MACROD2: variants seen among roughly 807,000 people sequenced by gnomAD.
MACROD2 encodes the protein ADP-ribose glycohydrolase MACROD2.
A neutral mutation model predicts 70.4 loss-of-function variants in MACROD2; 36 were observed. The observed-to-expected ratio is 0.51, with a 90% CI of 0.39 to 0.68. MACROD2 has a LOEUF of 0.68. Ranked by LOEUF, MACROD2 falls within the 30% of genes least tolerant of loss-of-function variation. The pLI, the probability that MACROD2 is intolerant of heterozygous loss-of-function variation, is 0.00. For synonymous variants in MACROD2, 172 were observed against 178.8 expected, an observed-to-expected ratio of 0.96 and a Z score of 0.30; for missense variants, 496 against 538.4, an observed-to-expected ratio of 0.92 and a Z score of 0.78.
At chr20:14,154,961 A>G (rs1257992527) in intron 3 of MACROD2, among the ~76,000 whole-genome samples, 1 of 152,184 alleles carries the variant, frequency 6.6e-6, no homozygotes, top group Non-Finnish European at 1.5e-5. Context: ...ATGAGAACTA[A>G]GTGCTTTTTT....
intron 7 of MACROD2, among the ~76,000 whole-genome samples, chr20:15,495,354 A>G (rs978723304): frequency 2.0e-5 from 3 of 152,186 alleles, no homozygotes; most frequent in East Asian, 1.9e-4. Context: ...GAAAGCAGGC[A>G]TATTATCAGG....
intron 8 of MACROD2, among the ~76,000 whole-genome samples, chr20:15,558,078 C>T (rs1271521113): frequency 1.3e-5 from 2 of 152,192 alleles, no homozygotes; most frequent in Admixed American, 6.5e-5. Flanking sequence ...AAAAAGATGA[C>T]AAGAGTCAGA....
At chr20:15,061,699 G>T (rs1251999772) in intron 5 of MACROD2, among the ~76,000 whole-genome samples, 2 of 152,142 alleles carry the variant, frequency 1.3e-5, no homozygotes, top group Non-Finnish European at 2.9e-5. Context: ...GTTAAAATTT[G>T]TATTGGGTAA....
At chr20:14,144,360 A>G (rs896413200) in intron 3 of MACROD2, among the ~76,000 whole-genome samples, 1 of 152,156 alleles carries the variant, frequency 6.6e-6, no homozygotes, top group African/African-American at 2.4e-5. Context: ...TTGTACTGGA[A>G]TATTTTTAGG....
At chr20:14,771,034 A>G (rs2072158272) in intron 5 of MACROD2, among the ~76,000 whole-genome samples, 1 of 152,122 alleles carries the variant, frequency 6.6e-6, no homozygotes, top group Admixed American at 6.5e-5. Flanking sequence ...CATTGGAATC[A>G]GCAGACTGCA....
intron 8 of MACROD2, among the ~76,000 whole-genome samples, chr20:15,516,941 T>C (rs757726729): frequency 6.6e-6 from 1 of 152,230 alleles, no homozygotes; most frequent in Non-Finnish European, 1.5e-5. Context: ...CATCTTGACT[T>C]TGAATTATGG....
At chr20:15,962,697 A>T (rs1406141643) in intron 12 of MACROD2, among the ~76,000 whole-genome samples, 2 of 152,134 alleles carry the variant, frequency 1.3e-5, no homozygotes, top group Non-Finnish European at 2.9e-5. Context: ...AGGAACATCA[A>T]CCTGTCCCTG....
chr20:15,498,312 C>A (rs1409631655), intron 7 of MACROD2, among the ~76,000 whole-genome samples: 1 of 152,186 alleles, frequency 6.6e-6, no homozygotes, highest in Non-Finnish European at 1.5e-5. Flanking sequence ...TCTGAACCAT[C>A]AGTTTGAACT....
At chr20:15,279,175 A>G (rs1414694917) in intron 6 of MACROD2, among the ~76,000 whole-genome samples, 2 of 152,232 alleles carry the variant, frequency 1.3e-5, no homozygotes, top group Non-Finnish European at 2.9e-5. Flanking sequence ...AATGGCTTAC[A>G]TATGGGGCTT....
chr20:15,823,072 A>G (rs970463896), intron 8 of MACROD2, among the ~76,000 whole-genome samples: 1 of 152,240 alleles, frequency 6.6e-6, no homozygotes, highest in Non-Finnish European at 1.5e-5. Flanking sequence ...TCTTCTAAAT[A>G]TATTCACAAA....
At chr20:14,114,024 C>A (rs1259255343) in intron 3 of MACROD2, among the ~76,000 whole-genome samples, 3 of 152,036 alleles carry the variant, frequency 2.0e-5, no homozygotes, top group Non-Finnish European at 4.4e-5. Context: ...AGAAAAATTG[C>A]TGATCTCGAA....
intron 6 of MACROD2, among the ~76,000 whole-genome samples, chr20:15,383,402 C>T (rs769940733): frequency 3.3e-5 from 5 of 152,270 alleles, no homozygotes; most frequent in Non-Finnish European, 7.4e-5. Context: ...TTGCATGACT[C>T]AAGTGGGTCA....
chr20:14,693,632 A>G (rs1409628146), intron 5 of MACROD2, among the ~76,000 whole-genome samples: 4 of 152,214 alleles, frequency 2.6e-5, no homozygotes, highest in Non-Finnish European at 4.4e-5. Flanking sequence ...TGACTTGATT[A>G]GAGGTGTTTC....
At chr20:15,090,759 A>T (rs2075786969) in intron 5 of MACROD2, among the ~76,000 whole-genome samples, 1 of 152,046 alleles carries the variant, frequency 6.6e-6, no homozygotes. Context: ...ATAAGCAGTG[A>T]GATAAACTGA....
intron 3 of MACROD2, among the ~76,000 whole-genome samples, chr20:14,378,023 A>G (rs2083388430): frequency 6.6e-6 from 1 of 152,188 alleles, no homozygotes; most frequent in African/African-American, 2.4e-5. Context: ...CATGCATTTT[A>G]TATTTTACAT....
chr20:15,596,981 G>A (rs2048754367), intron 8 of MACROD2, among the ~76,000 whole-genome samples: 1 of 152,184 alleles, frequency 6.6e-6, no homozygotes. Flanking sequence ...TATATTCCAT[G>A]GAGATCATCC....
At chr20:14,675,782 G>A (rs2070853194) in intron 4 of MACROD2, among the ~76,000 whole-genome samples, 1 of 152,052 alleles carries the variant, frequency 6.6e-6, no homozygotes, top group Admixed American at 6.6e-5. Context: ...AGACCCTTTG[G>A]TGTGCTGTGT....
At chr20:15,584,191 T>C (rs575235956) in intron 8 of MACROD2, among the ~76,000 whole-genome samples, 1 of 152,338 alleles carries the variant, frequency 6.6e-6, no homozygotes, top group South Asian at 2.1e-4. Flanking sequence ...TGGATCTCAC[T>C]GGAGACTTCT....
intron 5 of MACROD2, among the ~76,000 whole-genome samples, chr20:14,734,966 A>C (rs557287061): frequency 6.6e-6 from 1 of 152,274 alleles, no homozygotes; most frequent in Admixed American, 6.5e-5. Flanking sequence ...CCCTTACCTC[A>C]TACCATTTAC....
Sources: allele counts gnomAD v4.1 joint callset (sites outside exome capture counted in the v4.1 genomes callset), GRCh38; gene constraint gnomAD v4.1.1; transcripts MANE v1.5; gene names NCBI Gene and HGNC (gene_info 2026-07-23, HGNC 2026-07-21).